The following TMEM164 variants were observed in gnomAD, a reference collection of about 807,000 sequenced individuals.
TMEM164 encodes the protein transmembrane protein 164.
A neutral mutation model predicts 18.8 loss-of-function variants in TMEM164; 4 were observed. The ratio of observed to expected loss-of-function variants is 0.21; its 90% CI spans 0.10 to 0.49. The LOEUF is 0.49. Ranked by LOEUF, TMEM164 falls within the 20% of genes least tolerant of loss-of-function variation. TMEM164 has a pLI of 0.98. For synonymous variants in TMEM164, 86 were observed against 101.7 expected (o/e 0.85, Z 0.93); for missense variants, 108 against 239.9 (o/e 0.45, Z 3.63).
chrX:110,096,854 G>A (rs769649341), intron 3 of TMEM164, among the ~76,000 whole-genome samples: 5 of 111,549 alleles, frequency 4.5e-5, no homozygotes, highest in East Asian at 5.6e-4. Flanking sequence ...ATTCTGAAAC[G>A]CAAGGTCCTA....
downstream of TMEM164, among the ~76,000 whole-genome samples, chrX:110,180,917 A>G (rs1348510564): frequency 9.0e-6 from 1 of 111,262 alleles, no homozygotes; most frequent in African/African-American, 3.3e-5. Context: ...CCTTCTCTAT[A>G]CTCAGGAGGC....
intron 4 of TMEM164, among the ~76,000 whole-genome samples, chrX:110,120,881 C>G (rs368445845): frequency 5.4e-5 from 6 of 111,924 alleles, no homozygotes; most frequent in South Asian, 7.4e-4. Flanking sequence ...AAAAGCACTC[C>G]AGGCAATTCC....
intron 2 of TMEM164, among the ~76,000 whole-genome samples, chrX:110,018,804 A>G (rs1933628273): frequency 8.9e-6 from 1 of 112,414 alleles, no homozygotes; most frequent in Admixed American, 9.4e-5. Flanking sequence ...TAAGACAGAG[A>G]TGATCTTTGC....
At chrX:110,003,237 G>C (rs1602453085) in intron 1 of TMEM164, 59 bp downstream of exon 1, 1 of 112,884 alleles carries the variant, frequency 8.9e-6, no homozygotes, top group Non-Finnish European at 1.9e-5. Context: ...CCGCCTGCTC[G>C]GCCCCGCTAG....
chrX:110,034,531 T>C lies in TMEM164; in HGVS notation c.390+30367T>C, dbSNP rs914772225. ...CAGATAATGCCAGTATGTGAGTGAA[T>C]GTGTGTGGCAGTGTTCTACTAAAAC... On this transcript the variant is annotated intron_variant, in intron 2 of 6. Coordinates refer to ENST00000372068, the MANE Select transcript of TMEM164 (RefSeq NM_032227.4). Among the ~76,000 whole-genome samples, 7 of 112,257 alleles carry C rather than the reference T, an allele frequency of 6.2e-5. No individual in the cohort carries two copies. In the South Asian group the frequency reaches 2.5e-3, roughly 41 times the overall value.
chrX:110,040,320 G>A lies in TMEM164; in HGVS notation c.391-27027G>A, dbSNP rs139250556. Among the ~76,000 whole-genome samples, 473 of 111,814 alleles carry A rather than the reference G, an allele frequency of 4.2e-3. 1 individual carries two copies. Among genetic ancestry groups the A allele is most frequent in the African/African-American group, 0.014 (432 of 30,751 alleles). On this transcript the variant is annotated intron_variant, in intron 2 of 6. Coordinates refer to ENST00000372068, the MANE Select transcript of TMEM164 (RefSeq NM_032227.4). ...TTGGTTGTTAAATCTTGATTTTTAT[G>A]TATAGGTTTGCTTCAAGCAGTTTAC... is the stretch of plus-strand genomic sequence containing the variant.
intron 3 of TMEM164, among the ~76,000 whole-genome samples, chrX:110,071,151 A>ATATT (rs59713249): frequency 0.41 from 39,910 of 96,629 alleles, 7,925 homozygotes; most frequent in Non-Finnish European, 0.56. Flanking sequence ...AGATTTTTAA[A>ATATT]TATTTATTTA....
At chrX:110,026,507 A>T (rs956740238) in intron 2 of TMEM164, among the ~76,000 whole-genome samples, 2 of 111,039 alleles carry the variant, frequency 1.8e-5, no homozygotes, top group African/African-American at 6.6e-5. Context: ...GATGTATTGG[A>T]GTCCAATAGT....
At chrX:110,051,759 C>A (rs1421249411) in intron 2 of TMEM164, among the ~76,000 whole-genome samples, 2 of 111,973 alleles carry the variant, frequency 1.8e-5, no homozygotes, top group African/African-American at 6.5e-5. Context: ...GTTTGGACAG[C>A]GCATTCCAGG....
chrX:110,093,897 C>T (rs756216017), intron 3 of TMEM164, among the ~76,000 whole-genome samples: 1 of 111,739 alleles, frequency 8.9e-6, no homozygotes, highest in South Asian at 3.7e-4. Context: ...TCTTTGTTCT[C>T]ATTGGTTTCA....
intron 4 of TMEM164, among the ~76,000 whole-genome samples, chrX:110,122,050 T>G (rs1005345338): frequency 9.0e-6 from 1 of 111,528 alleles, no homozygotes; most frequent in East Asian, 2.8e-4. Flanking sequence ...AATACTCAAA[T>G]TTGACCCAGC....
chrX:110,061,573 C>G (rs2147837250), intron 2 of TMEM164, among the ~76,000 whole-genome samples: 1 of 112,066 alleles, frequency 8.9e-6, no homozygotes, highest in Non-Finnish European at 1.9e-5. Context: ...TATTTTATAC[C>G]TCAGTGGTTG....
chrX:110,101,511 C>T (rs1353004254), intron 3 of TMEM164, among the ~76,000 whole-genome samples: 2 of 109,628 alleles, frequency 1.8e-5, no homozygotes, highest in Admixed American at 9.8e-5. Context: ...TCTTTTTATC[C>T]ATGTCATTCT....
chrX:110,180,160 C>T (rs5942903), downstream of TMEM164, among the ~76,000 whole-genome samples: 27 of 112,493 alleles, frequency 2.4e-4, no homozygotes, highest in Non-Finnish European at 4.3e-4. Context: ...TTTCCATATC[C>T]TTTATAGCTC....
intron 6 of TMEM164, among the ~76,000 whole-genome samples, chrX:110,172,224 T>A (rs1569361793): frequency 9.0e-6 from 1 of 111,609 alleles, no homozygotes; most frequent in Non-Finnish European, 1.9e-5. Flanking sequence ...TGACATGGTA[T>A]AAAAGCCCCA....
At chrX:110,019,777 G>A (rs1881734181) in intron 2 of TMEM164, among the ~76,000 whole-genome samples, 1 of 112,004 alleles carries the variant, frequency 8.9e-6, no homozygotes, top group African/African-American at 3.2e-5. Context: ...ATATAGACTA[G>A]GGATGGCACA....
At chrX:110,136,109 C>T (rs745441508) in intron 4 of TMEM164, among the ~76,000 whole-genome samples, 1 of 111,764 alleles carries the variant, frequency 8.9e-6, no homozygotes, top group Admixed American at 9.5e-5. Flanking sequence ...AACGGTACCC[C>T]CTTCTTCATT....
intron 4 of TMEM164, among the ~76,000 whole-genome samples, chrX:110,110,088 T>C (rs1343817406): frequency 1.8e-5 from 2 of 111,347 alleles, no homozygotes; most frequent in Non-Finnish European, 3.8e-5. Context: ...GCCTCTTGTT[T>C]TACAGAGGAA....
intron 5 of TMEM164, 65 bp from the exon 6 acceptor site, chrX:110,171,355 C>A: frequency 1.2e-6 from 1 of 840,067 alleles, no homozygotes; most frequent in Non-Finnish European, 1.7e-6. Flanking sequence ...TACCTGCACC[C>A]TCATGGTACA....
Sources: gnomAD v4.1 joint callset for allele counts (sites outside exome capture counted in the v4.1 genomes callset) on GRCh38, gnomAD v4.1.1 for gene constraint, MANE v1.5 for transcripts, NCBI Gene and HGNC (gene_info 2026-07-23, HGNC 2026-07-21) for gene names.